Variants in ANK3 observed in about 807,000 individuals in gnomAD.
The protein encoded by ANK3 is ankyrin 3, also known as ankyrin-3.
A neutral mutation model predicts 370.9 loss-of-function variants in ANK3; 57 were observed. The observed-to-expected ratio is 0.15, with a 90% confidence interval of 0.12 to 0.19. The LOEUF (loss-of-function observed/expected upper bound fraction) is 0.19, where lower values mean the gene tolerates loss of function less well. Among genes scored for constraint, ANK3 ranks in the 10% least tolerant of loss-of-function variants. The pLI is 1.00. For synonymous variants in ANK3, 1,929 were observed against 1,946.3 expected, an observed-to-expected ratio of 0.99 and a Z score of 0.23; for missense variants, 4,439 against 5,302.1, an observed-to-expected ratio of 0.84 and a Z score of 5.06.
chr10:60,645,328 T>C (rs1186063189), intron 1 of ANK3, among the ~76,000 whole-genome samples: 3 of 152,192 alleles, frequency 2.0e-5, no homozygotes, highest in Admixed American at 2.0e-4. Context: ...TTCTAAAAAT[T>C]GCATTTTGAC....
rs1475463874 is a variant in ANK3 at position 60,070,546 on chromosome 10, G to C, written c.10335C>G (p.Ile3445Met). 6 of 1,614,028 alleles carry C rather than the reference G, an allele frequency of 3.7e-6. No individual in the cohort carries two copies. The highest frequency in any genetic ancestry group is 3.4e-6 in the Non-Finnish European group (4 of 1,180,034). Residue 3445 changes from isoleucine to methionine, a missense_variant, in exon 37 of 44, where the codon ATC (isoleucine) becomes ATG (methionine). By Grantham distance (10) the Ile-to-Met change is conservative. Transcript: ENST00000280772. The surrounding 1 kb of genome is among the most constrained non-coding windows in gnomAD (Gnocchi z 5.7). ...PIQAMEIKKD[I>M]WNTEGILKPA... ...GCTTCAGAATGCCCTCTGTGTTCCA[G>C]ATATCTTTCTTAATTTCCATGGCTT...
intron 8 of ANK3, among the ~76,000 whole-genome samples, chr10:60,230,066 A>G (rs975146899): frequency 2.6e-5 from 4 of 152,218 alleles, no homozygotes; most frequent in African/African-American, 9.6e-5. Context: ...GAAGCACTAA[A>G]TACAAGTATA....
intron 1 of ANK3, among the ~76,000 whole-genome samples, chr10:60,361,510 T>A: frequency 6.6e-6 from 1 of 152,196 alleles, no homozygotes; most frequent in East Asian, 1.9e-4. Context: ...AGAAAATACC[T>A]TTTGTTTAGA....
intron 23 of ANK3, among the ~76,000 whole-genome samples, chr10:60,157,221 G>C: frequency 6.6e-6 from 1 of 151,856 alleles, no homozygotes; most frequent in African/African-American, 2.4e-5. Context: ...ATTTTTAGTA[G>C]AGACAGGGTT....
chr10:60,222,507 C>G lies in ANK3; in HGVS notation c.898-8997G>C, dbSNP rs572118558. Among the ~76,000 whole-genome samples, 18 of 151,948 alleles carry G rather than the reference C, an allele frequency of 1.2e-4. No homozygotes were observed. In the Middle Eastern group the frequency reaches 0.017, roughly 145 times the overall value. ...TGGTTAAAAAAATAAATTTTGAACT[C>G]ATTTCTTTGGCTTTGAAGCTGGTGT... On this transcript the variant is annotated intron_variant, in intron 8 of 43. Transcript: ENST00000280772.
chr10:60,493,616 A>T (rs1301455819), intron 2 of ANK3, among the ~76,000 whole-genome samples: 1 of 152,154 alleles, frequency 6.6e-6, no homozygotes, highest in Non-Finnish European at 1.5e-5. Context: ...TTGTGCTAAC[A>T]GTGTCAAGTT....
At chr10:60,503,005 G>A (rs1250324310) in intron 2 of ANK3, among the ~76,000 whole-genome samples, 1 of 152,042 alleles carries the variant, frequency 6.6e-6, no homozygotes, top group Non-Finnish European at 1.5e-5. Context: ...AATTACTTAT[G>A]CATACTTAAC....
At chr10:60,375,016 G>A (rs1389405223) in intron 1 of ANK3, among the ~76,000 whole-genome samples, 1 of 151,950 alleles carries the variant, frequency 6.6e-6, no homozygotes, top group African/African-American at 2.4e-5. Context: ...GAGAAGGGAG[G>A]AAAGAAGAAG....
At chr10:60,530,158 G>A (rs2076571323) in intron 2 of ANK3, among the ~76,000 whole-genome samples, 1 of 152,176 alleles carries the variant, frequency 6.6e-6, no homozygotes, top group Non-Finnish European at 1.5e-5. Context: ...TTTCTGTTGG[G>A]TAGATTTTTA....
rs967088925 is a variant in ANK3 at position 60,198,383 on chromosome 10, G to A, written c.1646C>T (p.Ala549Val). ...SAREGHEDVA[A>V]FLLDHGASLS... Reference sequence around the variant, plus strand: ...AGACGCTCCATGATCCAAAAGGAACGCGGCCACATCCTCATGCCCCTCTCG... The same window carrying A: ...AGACGCTCCATGATCCAAAAGGAACACGGCCACATCCTCATGCCCCTCTCG... Residue 549 changes from alanine to valine, a missense_variant, in exon 14 of 44, where the codon GCG (alanine) becomes GTG (valine). Physicochemically the swap from Ala to Val is moderately conservative, Grantham distance 64. Coordinates refer to ENST00000280772, the MANE Select transcript of ANK3 (RefSeq NM_020987.5). 8 of 1,614,080 alleles carry A rather than the reference G, an allele frequency of 5.0e-6. No individual in the cohort carries two copies. The highest frequency in any genetic ancestry group is 1.3e-5 in the African/African-American group (1 of 74,926).
At chr10:60,060,232 G>GTTTTGGAAATTATGATACA (rs1589395414) in intron 40 of ANK3, 1 of 356,082 alleles carries the variant, frequency 2.8e-6, no homozygotes, top group East Asian at 4.3e-5. Context: ...AATTGTTTCT[G>GTTTTGGAAATTATGATACA]TTTTGGAAAT....
chr10:60,289,264 C>CTTT (rs34525147), intron 1 of ANK3, among the ~76,000 whole-genome samples: 1 of 134,570 alleles, frequency 7.4e-6, no homozygotes, highest in Admixed American at 7.6e-5. Flanking sequence ...TATGCCCTGC[C>CTTT]TTTTTTTTTT....
In ANK3 at chr10:60,076,374, A is replaced by G; in HGVS notation, c.4507T>C (p.Tyr1503His). Residue 1503 changes from tyrosine to histidine, a missense_variant, in exon 37 of 44, where the codon TAC (tyrosine) becomes CAC (histidine). Physicochemically the swap from Tyr to His is moderately conservative, Grantham distance 83. Transcript: ENST00000280772. ...SYKPFFSTRP[Y>H]QSWTTAPITV... ...ATCGGAGCTGTTGTCCAGGACTGGT[A>G]TGGTCTTGTAGAAAAGAATGGCTTG... 3 of 1,613,958 alleles carry G rather than the reference A, an allele frequency of 1.9e-6. No individual in the cohort carries two copies. Among genetic ancestry groups the G allele is most frequent in the Non-Finnish European group, 2.5e-6 (3 of 1,179,914 alleles).
intron 1 of ANK3, 129 bp from the exon 2 acceptor site, chr10:60,279,768 G>C (rs1341448415): frequency 2.7e-6 from 2 of 742,610 alleles, no homozygotes; most frequent in South Asian, 1.8e-5. Context: ...ATGAATAAAA[G>C]TTCTTTGTAA....
At chr10:60,190,250 G>T (rs552878203) in intron 16 of ANK3, among the ~76,000 whole-genome samples, 1 of 152,200 alleles carries the variant, frequency 6.6e-6, no homozygotes, top group African/African-American at 2.4e-5. Flanking sequence ...GTGATCTGAT[G>T]ATGAGTTAAC....
At chr10:60,473,715 TG>T (rs1427257756) in intron 2 of ANK3, among the ~76,000 whole-genome samples, 3 of 152,088 alleles carry the variant, frequency 2.0e-5, no homozygotes, top group African/African-American at 7.2e-5. Flanking sequence ...AGGGCAAATG[TG>T]GACATCTTCC....
chr10:60,379,951 T>C (rs1195831918), intron 1 of ANK3, among the ~76,000 whole-genome samples: 1 of 152,068 alleles, frequency 6.6e-6, no homozygotes, highest in Non-Finnish European at 1.5e-5. Flanking sequence ...TATTGAAACA[T>C]CACTACTTAC....
intron 42 of ANK3, among the ~76,000 whole-genome samples, chr10:60,048,457 A>G (rs1564608828): frequency 1.3e-5 from 2 of 152,208 alleles, no homozygotes; most frequent in Non-Finnish European, 2.9e-5. Context: ...AAGAGAATAC[A>G]CTTGTTCCTT....
chr10:60,508,874 C>A (rs2076007092), intron 2 of ANK3, among the ~76,000 whole-genome samples: 1 of 152,084 alleles, frequency 6.6e-6, no homozygotes, highest in Admixed American at 6.6e-5. Flanking sequence ...ATGGTGAGTT[C>A]ATAAACAATT....
Sources: gnomAD v4.1 joint callset for allele counts (sites outside exome capture counted in the v4.1 genomes callset) on GRCh38, gnomAD v4.1.1 for gene constraint, Gnocchi (gnomAD v3.1) non-coding constraint, MANE v1.5 for transcripts, NCBI Gene and HGNC (gene_info 2026-07-23, HGNC 2026-07-21) for gene names.